Variants in GABRA3 observed in about 807,000 individuals in gnomAD.
The protein encoded by GABRA3 is gamma-aminobutyric acid type A receptor subunit alpha3.
A neutral mutation model predicts 30.1 loss-of-function variants in GABRA3; 10 were observed. The observed-to-expected ratio is 0.33, with a 90% CI of 0.20 to 0.56. The LOEUF is 0.56. GABRA3 is among the 20% of genes least tolerant of loss of function. The pLI is 0.89. For missense variants in GABRA3, 233 were observed against 392.0 expected (o/e 0.59, Z 3.42); for synonymous variants, 151 against 146.8 (o/e 1.03, Z -0.21).
chrX:152,285,805 T>C (rs1455224133), intron 3 of GABRA3, among the ~76,000 whole-genome samples: 1 of 109,199 alleles, frequency 9.2e-6, no homozygotes, highest in Non-Finnish European at 1.9e-5. Context: ...TCAAGCTTCT[T>C]TTATAAGAGC....
chrX:152,242,157 T>A (rs1193584354), intron 5 of GABRA3, among the ~76,000 whole-genome samples: 1 of 111,643 alleles, frequency 9.0e-6, no homozygotes, highest in Non-Finnish European at 1.9e-5. Flanking sequence ...TCATAAAAGA[T>A]GCCAAGGACA....
chrX:152,354,098 T>C lies in GABRA3; in HGVS notation c.141-8396A>G, dbSNP rs894992905. Among the ~76,000 whole-genome samples, 11 of 111,854 alleles carry C rather than the reference T, an allele frequency of 9.8e-5. No homozygotes were observed. In the Admixed American group the frequency reaches 1.1e-3, roughly 11 times the overall value. On this transcript the variant is annotated intron_variant, in intron 2 of 9. Coordinates refer to ENST00000370314, the MANE Select transcript of GABRA3 (RefSeq NM_000808.4). ...TGAGAGGTTACTATATGTAAGTAAA[T>C]ATTCAGGTATGTAAAAGAAATTGAC...
At chrX:152,349,206 A>C (rs1940436468) in intron 2 of GABRA3, among the ~76,000 whole-genome samples, 1 of 109,914 alleles carries the variant, frequency 9.1e-6, no homozygotes, top group Non-Finnish European at 1.9e-5. Context: ...AATCACTCTC[A>C]TTGCTCGTCT....
At chrX:152,174,322 G>C (rs997441838) in intron 9 of GABRA3, among the ~76,000 whole-genome samples, 3 of 111,504 alleles carry the variant, frequency 2.7e-5, no homozygotes, top group Admixed American at 9.5e-5. Context: ...GGGATGGCTG[G>C]GTCAAATGGT....
At chrX:152,214,828 G>A (rs1477609783) in intron 6 of GABRA3, among the ~76,000 whole-genome samples, 1 of 109,297 alleles carries the variant, frequency 9.1e-6, no homozygotes. Context: ...TTATTGTTTT[G>A]TAGCTATTGT....
chrX:152,372,213 C>T (rs1434601282), intron 1 of GABRA3, among the ~76,000 whole-genome samples: 2 of 111,259 alleles, frequency 1.8e-5, no homozygotes, highest in Non-Finnish European at 3.8e-5. Flanking sequence ...TCAAACTTTC[C>T]TAGTGGATAT....
At chrX:152,202,350 A>G (rs1006129115) in intron 7 of GABRA3, among the ~76,000 whole-genome samples, 4 of 111,914 alleles carry the variant, frequency 3.6e-5, no homozygotes, top group African/African-American at 1.3e-4. Context: ...GTAAGGTAAT[A>G]ATGTTTATAT....
chrX:152,283,498 T>C (rs1291480817), intron 4 of GABRA3, among the ~76,000 whole-genome samples: 3 of 112,142 alleles, frequency 2.7e-5, no homozygotes, highest in East Asian at 2.8e-4. Flanking sequence ...AATTGACTCA[T>C]AGACCTTGCA....
chrX:152,315,283 T>C (rs963413978), intron 3 of GABRA3, among the ~76,000 whole-genome samples: 2 of 111,258 alleles, frequency 1.8e-5, no homozygotes, highest in African/African-American at 3.3e-5. Flanking sequence ...TGACCTTACC[T>C]GGAGCTGAGA....
chrX:152,303,015 T>C (rs1003379279), intron 3 of GABRA3, among the ~76,000 whole-genome samples: 1 of 112,158 alleles, frequency 8.9e-6, no homozygotes, highest in African/African-American at 3.2e-5. Context: ...GTCTTTTCTA[T>C]TGTGAATAGT....
chrX:152,345,161 T>G (rs991393151), intron 3 of GABRA3, among the ~76,000 whole-genome samples: 1 of 111,345 alleles, frequency 9.0e-6, no homozygotes, highest in Non-Finnish European at 1.9e-5. Context: ...ATTGGTATTC[T>G]GTTACTAGAA....
chrX:152,331,601 G>C (rs995671386), intron 3 of GABRA3, among the ~76,000 whole-genome samples: 1 of 111,958 alleles, frequency 8.9e-6, no homozygotes, highest in Non-Finnish European at 1.9e-5. Context: ...ATACCAGCCA[G>C]CTATTGCACA....
intron 3 of GABRA3, among the ~76,000 whole-genome samples, chrX:152,290,666 A>G (rs1187636514): frequency 9.8e-5 from 11 of 111,786 alleles, no homozygotes; most frequent in African/African-American, 3.6e-4. Flanking sequence ...TTAATTCTTT[A>G]TTCAATCTTG....
chrX:152,273,771 T>C (rs1349056772), intron 4 of GABRA3, among the ~76,000 whole-genome samples: 3 of 111,478 alleles, frequency 2.7e-5, no homozygotes, highest in African/African-American at 9.8e-5. Context: ...GAATGATGAT[T>C]AGTAGAGCAG....
At chrX:152,378,762 A>T (rs1010769296) in intron 1 of GABRA3, among the ~76,000 whole-genome samples, 3 of 111,716 alleles carry the variant, frequency 2.7e-5, no homozygotes, top group Non-Finnish European at 5.7e-5. Context: ...AATTAACTAC[A>T]TATTGTTCAT....
At chrX:152,208,555 A>G (rs1325451726) in intron 6 of GABRA3, among the ~76,000 whole-genome samples, 1 of 111,443 alleles carries the variant, frequency 9.0e-6, no homozygotes, top group South Asian at 3.8e-4. Context: ...CGACCCCTCC[A>G]ATTCTTATGT....
intron 1 of GABRA3, among the ~76,000 whole-genome samples, chrX:152,383,388 C>CAAAAAAAAAAAAAAAAAAAAAAAAAAAA (rs34736587): frequency 5.6e-5 from 2 of 35,457 alleles, no homozygotes; most frequent in Non-Finnish European, 9.6e-5. Context: ...GACTCCATCT[C>CAAAAAAAAAAAAAAAAAAAAAAAAAAAA]AAAAAAAAAA....
chrX:152,247,418 T>C (rs1252939433), intron 5 of GABRA3, among the ~76,000 whole-genome samples: 2 of 111,197 alleles, frequency 1.8e-5, no homozygotes, highest in Admixed American at 9.6e-5. Flanking sequence ...TTAAAATTGA[T>C]AGGCCACACC....
At chrX:152,272,820 G>T (rs1329382801) in intron 4 of GABRA3, among the ~76,000 whole-genome samples, 1 of 111,220 alleles carries the variant, frequency 9.0e-6, no homozygotes, top group Non-Finnish European at 1.9e-5. Context: ...GAGATTTGAT[G>T]GTTTTATAAG....
Sources: gnomAD v4.1 joint callset for allele counts (sites outside exome capture counted in the v4.1 genomes callset) on GRCh38, gnomAD v4.1.1 for gene constraint, MANE v1.5 for transcripts, NCBI Gene and HGNC (gene_info 2026-07-23, HGNC 2026-07-21) for gene names.